Variants in TSHR observed in about 807,000 individuals in gnomAD.
TSHR encodes thyrotropin receptor.
A neutral mutation model predicts 64.1 loss-of-function variants in TSHR; 51 were observed. That is an observed-to-expected ratio of 0.80 (90% CI 0.64 to 1.01). The LOEUF is 1.01. Ranked by LOEUF, TSHR falls within the 50% of genes least tolerant of loss-of-function variation. The pLI is 0.00. For synonymous variants in TSHR, 361 were observed against 361.9 expected (o/e 1.00, Z 0.03); for missense variants, 877 against 942.8 (o/e 0.93, Z 0.91).
In TSHR at chr14:81,143,670, G is replaced by C; in HGVS notation, c.1612G>C (p.Ala538Pro). 1 of 1,614,150 alleles carries C rather than the reference G, an allele frequency of 6.2e-7. No individual in the cohort carries two copies. The highest frequency in any genetic ancestry group is 8.5e-7 in the Non-Finnish European group (1 of 1,180,034). The change falls in exon 10 of 10, where the codon GCA becomes CCA. Residue 538 changes from alanine to proline, a missense_variant. Coordinates refer to ENST00000298171, the MANE Select transcript of TSHR (RefSeq NM_000369.5). ...GGACCGGAAGATCCGCCTCAGGCAC[G>C]CATGTGCCATCATGGTTGGGGGCTG... ...RLDRKIRLRH[A>P]CAIMVGGWVC...
rs1314320389 is a variant in TSHR, at chr14:81,116,966, G to C, written c.692+8514G>C. Among the ~76,000 whole-genome samples, 17 of 137,730 alleles carry C rather than the reference G, an allele frequency of 1.2e-4. 1 individual carries two copies. The highest frequency in any genetic ancestry group is 4.2e-4 in the African/African-American group (14 of 33,710). The allele number at this position is 137,730 out of a possible 152,430, so 90.4% of individuals were successfully genotyped here. A position where few individuals can be genotyped will look rare whatever the true frequency, so the allele number is the denominator to read the frequency against. On this transcript the variant is annotated intron_variant, in intron 8 of 9. Transcript: ENST00000298171. Reference sequence around the variant, plus strand: ...ATAACGAAATGAAGGCAGAAATAAAGATGTTCTTTGAAACCAACAAGAACA... The same window carrying C: ...ATAACGAAATGAAGGCAGAAATAAACATGTTCTTTGAAACCAACAAGAACA...
chr14:81,069,734 G>C (rs1886924328), intron 3 of TSHR, among the ~76,000 whole-genome samples: 1 of 152,100 alleles, frequency 6.6e-6, no homozygotes. Flanking sequence ...ACTGTGACTA[G>C]ATCAGCCCTT....
At chr14:81,010,334 A>G (rs2139775535) in intron 1 of TSHR, among the ~76,000 whole-genome samples, 1 of 152,142 alleles carries the variant, frequency 6.6e-6, no homozygotes, top group African/African-American at 2.4e-5. Flanking sequence ...AACTTTATGT[A>G]ATTTTTTATT....
At chr14:81,110,485 C>G (rs1481467493) in intron 8 of TSHR, among the ~76,000 whole-genome samples, 1 of 152,222 alleles carries the variant, frequency 6.6e-6, no homozygotes, top group Non-Finnish European at 1.5e-5. Context: ...CTTGCTGACA[C>G]TTTGATCTTG....
chr14:81,019,753 T>C (rs1014592870), intron 1 of TSHR, among the ~76,000 whole-genome samples: 1 of 152,182 alleles, frequency 6.6e-6, no homozygotes. Flanking sequence ...AATGATGGTT[T>C]CCAGCTTCAC....
intron 1 of TSHR, among the ~76,000 whole-genome samples, chr14:81,009,624 T>C (rs1301515081): frequency 2.0e-5 from 3 of 152,216 alleles, no homozygotes; most frequent in Admixed American, 1.3e-4. Context: ...TTATTTAAAC[T>C]GTATCATATT....
At chr14:81,071,926 C>T (rs762714416) in intron 3 of TSHR, among the ~76,000 whole-genome samples, 1 of 152,098 alleles carries the variant, frequency 6.6e-6, no homozygotes, top group Non-Finnish European at 1.5e-5. Flanking sequence ...GGTAAATTCA[C>T]TCTTTCAATT....
intron 1 of TSHR, among the ~76,000 whole-genome samples, chr14:80,973,390 C>A (rs1239367449): frequency 2.0e-5 from 1 of 51,114 alleles, no homozygotes; most frequent in Non-Finnish European, 4.9e-5. Context: ...CGGGTGACAG[C>A]GAGACGCTGT....
At chr14:81,097,594 G>A (rs187481503) in intron 7 of TSHR, among the ~76,000 whole-genome samples, 1 of 152,284 alleles carries the variant, frequency 6.6e-6, no homozygotes, top group East Asian at 1.9e-4. Context: ...AGTAGCAAGG[G>A]TGAGGTCAAT....
chr14:81,134,261 C>T (rs1418517106), intron 8 of TSHR, among the ~76,000 whole-genome samples: 3 of 152,084 alleles, frequency 2.0e-5, no homozygotes, highest in African/African-American at 7.2e-5. Context: ...CCTCAGCCTC[C>T]CGAGTAGCTA....
At chr14:80,987,512 T>TA (rs1343230157) in intron 1 of TSHR, among the ~76,000 whole-genome samples, 2 of 152,206 alleles carry the variant, frequency 1.3e-5, no homozygotes, top group Non-Finnish European at 2.9e-5. Flanking sequence ...TTTAAAAAAT[T>TA]AAAAAACAAA....
intron 1 of TSHR, among the ~76,000 whole-genome samples, chr14:81,011,852 C>G (rs1250536966): frequency 1.3e-5 from 2 of 149,154 alleles, no homozygotes; most frequent in Non-Finnish European, 2.9e-5. Context: ...GAGGGAGACT[C>G]TGTCTCAAAA....
At chr14:81,070,625 CAAAAAAA>C (rs60958301) in intron 3 of TSHR, among the ~76,000 whole-genome samples, 1 of 15,808 alleles carries the variant, frequency 6.3e-5, no homozygotes, top group African/African-American at 1.9e-4. Flanking sequence ...GATTCCATCT[CAAAAAAA>C]AAAAAAAAAA....
intron 1 of TSHR, among the ~76,000 whole-genome samples, chr14:81,006,546 C>CTCTG (rs1454522644): frequency 6.6e-6 from 1 of 151,878 alleles, no homozygotes; most frequent in East Asian, 1.9e-4. Flanking sequence ...CTGAGTCTTG[C>CTCTG]TCTGTCACCA....
intron 8 of TSHR, among the ~76,000 whole-genome samples, chr14:81,121,780 A>G (rs1890803075): frequency 6.6e-6 from 1 of 151,820 alleles, no homozygotes; most frequent in African/African-American, 2.4e-5. Context: ...CATCTCTACT[A>G]AAAATACAAA....
At chr14:81,033,142 C>T (rs1040781581) in intron 1 of TSHR, 5 of 383,098 alleles carry the variant, frequency 1.3e-5, no homozygotes, top group African/African-American at 2.2e-5. Context: ...ATCTGATGTG[C>T]TATGGAAACA....
intron 3 of TSHR, among the ~76,000 whole-genome samples, chr14:81,080,388 G>T (rs79173034): frequency 0.011 from 1,735 of 152,242 alleles, 34 homozygotes; most frequent in African/African-American, 0.038. Flanking sequence ...TGCATCAGAG[G>T]TTTCAAAATC....
At chr14:81,116,418 T>C (rs61980872) in intron 8 of TSHR, among the ~76,000 whole-genome samples, 54,571 of 108,536 alleles carry the variant, frequency 0.5, 15,474 homozygotes, top group Admixed American at 0.63. Flanking sequence ...CCAACAAAGA[T>C]CAAAAGAGAC....
In TSHR at chr14:81,002,986, G is replaced by C. The variant is rs1308176128; in HGVS notation, c.170+47136G>C. Among the ~76,000 whole-genome samples the C allele has an allele frequency of 5.6e-3, 102 of 18,100 alleles. 1 individual carries two copies. Among genetic ancestry groups the C allele is most frequent in the African/African-American group, 0.019 (87 of 4,616 alleles). The allele number at this position is 18,100 out of a possible 152,430, so 11.9% of individuals were successfully genotyped here. On this transcript the variant is annotated intron_variant, in intron 1 of 9. Coordinates refer to ENST00000298171, the MANE Select transcript of TSHR (RefSeq NM_000369.5). ...CAATGCTATCCCTCCCCCCTCCCCC[G>C]ACCCCACCACAGTCCCCAGAGTGTG...
Sources: allele counts gnomAD v4.1 joint callset (sites outside exome capture counted in the v4.1 genomes callset), GRCh38; gene constraint gnomAD v4.1.1; transcripts MANE v1.5; gene names NCBI Gene and HGNC (gene_info 2026-07-23, HGNC 2026-07-21).